The following NSUN3 variants were observed in gnomAD, a reference collection of about 807,000 sequenced individuals.
NSUN3 encodes the protein NOP2/Sun RNA methyltransferase 3.
In NSUN3, 24 loss-of-function variants were observed where a neutral mutation model predicts 36.8. The ratio of observed to expected loss-of-function variants is 0.65; its 90% CI spans 0.47 to 0.92. The LOEUF (loss-of-function observed/expected upper bound fraction) is 0.92, where lower values mean the gene tolerates loss of function less well. Ranked by LOEUF, NSUN3 falls within the 40% of genes least tolerant of loss-of-function variation. NSUN3 has a pLI of 0.00. For missense variants in NSUN3, 381 were observed against 392.8 expected (o/e 0.97, Z 0.25); for synonymous variants, 146 against 145.2 (o/e 1.01, Z -0.04).
At chr3:94,076,417 A>G (rs1038181083) in intron 2 of NSUN3, 1 of 798,208 alleles carries the variant, frequency 1.3e-6, no homozygotes, top group African/African-American at 1.7e-5. Flanking sequence ...AAGTATCCCA[A>G]ATCATAAGTT....
At chr3:94,124,307 C>T (rs982680961) in intron 5 of NSUN3, among the ~76,000 whole-genome samples, 1 of 151,732 alleles carries the variant, frequency 6.6e-6, no homozygotes, top group African/African-American at 2.4e-5. Flanking sequence ...CATCCACCAC[C>T]GCACCTGGCT....
intron 5 of NSUN3, among the ~76,000 whole-genome samples, chr3:94,123,718 A>G (rs909300358): frequency 6.6e-6 from 1 of 152,110 alleles, no homozygotes; most frequent in African/African-American, 2.4e-5. Flanking sequence ...TTCCTTGAAC[A>G]TGCCTCAAGG....
At chr3:94,105,939 TA>T (rs1225600814) in intron 5 of NSUN3, among the ~76,000 whole-genome samples, 1 of 151,778 alleles carries the variant, frequency 6.6e-6, no homozygotes, top group African/African-American at 2.4e-5. Flanking sequence ...TCAAAGACCC[TA>T]CCTTGAAGTT....
chr3:94,087,625 G>A (rs1181960005), intron 3 of NSUN3, among the ~76,000 whole-genome samples: 1 of 152,200 alleles, frequency 6.6e-6, no homozygotes, highest in Non-Finnish European at 1.5e-5. Flanking sequence ...CTTTCTGGCT[G>A]AAGGCTATGT....
chr3:94,066,031 A>G (rs1182570621), intron 2 of NSUN3, among the ~76,000 whole-genome samples: 1 of 151,394 alleles, frequency 6.6e-6, no homozygotes, highest in Non-Finnish European at 1.5e-5. Flanking sequence ...CTTGTTCTGT[A>G]CTGTCTCATA....
At chr3:94,074,344 G>T (rs1206827534) in intron 2 of NSUN3, among the ~76,000 whole-genome samples, 1 of 152,190 alleles carries the variant, frequency 6.6e-6, no homozygotes, top group East Asian at 1.9e-4. Context: ...TGTGAAGAAA[G>T]TCAATGGTAG....
intron 5 of NSUN3, among the ~76,000 whole-genome samples, 181 bp from the exon 6 acceptor site, chr3:94,126,030 A>C (rs2077484089): frequency 6.6e-6 from 1 of 152,004 alleles, no homozygotes. Flanking sequence ...ACTGCACTCC[A>C]GCCTGGGTGA....
chr3:94,097,172 C>A (rs768253696), intron 5 of NSUN3, among the ~76,000 whole-genome samples: 11 of 152,064 alleles, frequency 7.2e-5, no homozygotes, highest in Non-Finnish European at 1.5e-4. Context: ...ATACAGGTAA[C>A]ACATGAAACC....
At chr3:94,117,269 G>C (rs747118814) in intron 5 of NSUN3, among the ~76,000 whole-genome samples, 3 of 151,860 alleles carry the variant, frequency 2.0e-5, no homozygotes, top group Non-Finnish European at 4.4e-5. Flanking sequence ...CAAAGTGCTG[G>C]GATTACAGAC....
intron 2 of NSUN3, chr3:94,076,675 G>A: frequency 8.7e-7 from 1 of 1,154,556 alleles, no homozygotes; most frequent in South Asian, 1.2e-5. Context: ...AGTCTGAGTT[G>A]CAGTCTCCAG....
At chr3:94,076,981 CGA>C in intron 2 of NSUN3, 3 of 938,424 alleles carry the variant, frequency 3.2e-6, no homozygotes, top group Non-Finnish European at 5.3e-6. Context: ...CAGGACAAGT[CGA>C]TGAATGCTGA....
intron 3 of NSUN3, among the ~76,000 whole-genome samples, chr3:94,087,130 C>T (rs1261607264): frequency 6.6e-6 from 1 of 152,118 alleles, no homozygotes; most frequent in East Asian, 1.9e-4. Context: ...AGGCAGTGTT[C>T]CAAGTAAAGT....
At chr3:94,078,823 G>T (rs926865383) in intron 2 of NSUN3, among the ~76,000 whole-genome samples, 18 of 152,038 alleles carry the variant, frequency 1.2e-4, no homozygotes, top group African/African-American at 3.4e-4. Context: ...GAACCTATGT[G>T]TGTCTCTGCA....
intron 1 of NSUN3, chr3:94,064,136 C>A: frequency 3.5e-6 from 1 of 282,426 alleles, no homozygotes; most frequent in South Asian, 3.9e-5. Context: ...TGTGAGCCAC[C>A]TGCCTAGCCC....
intron 2 of NSUN3, among the ~76,000 whole-genome samples, chr3:94,079,755 G>A (rs1046067476): frequency 4.0e-4 from 61 of 151,984 alleles, no homozygotes; most frequent in African/African-American, 1.4e-3. Context: ...CGAAGTTCTC[G>A]TGCTGTGTTT....
At chr3:94,093,657 A>G (rs952800009) in intron 3 of NSUN3, among the ~76,000 whole-genome samples, 3 of 152,132 alleles carry the variant, frequency 2.0e-5, no homozygotes, top group Non-Finnish European at 4.4e-5. Flanking sequence ...TTTAAAAGGA[A>G]TAATGGTTCC....
intron 1 of NSUN3, 200 bp downstream of exon 1, chr3:94,063,338 C>T: frequency 1.6e-6 from 1 of 607,582 alleles, no homozygotes; most frequent in Non-Finnish European, 3.0e-6. Flanking sequence ...GTCCAGCTCG[C>T]AGACTTCTAG....
intron 3 of NSUN3, among the ~76,000 whole-genome samples, chr3:94,092,414 T>G (rs1037700883): frequency 1.3e-5 from 2 of 152,212 alleles, no homozygotes; most frequent in African/African-American, 2.4e-5. Context: ...CATGAACTTC[T>G]GTCTTACATT....
At chr3:94,122,774 C>G (rs1419005216) in intron 5 of NSUN3, among the ~76,000 whole-genome samples, 4 of 152,088 alleles carry the variant, frequency 2.6e-5, no homozygotes, top group African/African-American at 9.7e-5. Flanking sequence ...ATTTCTCTCT[C>G]CCTTCTACTT....
Sources: gnomAD v4.1 joint callset for allele counts (sites outside exome capture counted in the v4.1 genomes callset) on GRCh38, gnomAD v4.1.1 for gene constraint, MANE v1.5 for transcripts, NCBI Gene and HGNC (gene_info 2026-07-23, HGNC 2026-07-21) for gene names.